BCAS3: variants seen among roughly 807,000 people sequenced by gnomAD.
The protein encoded by BCAS3 is BCAS4/BCAS3 fusion.
In BCAS3, 53 loss-of-function variants were observed where a neutral mutation model predicts 116.1. The ratio of observed to expected loss-of-function variants is 0.46; its 90% CI spans 0.37 to 0.57. BCAS3 has a LOEUF of 0.57. Ranked by LOEUF, BCAS3 falls within the 20% of genes least tolerant of loss-of-function variation. BCAS3 has a pLI of 0.00. For synonymous variants in BCAS3, 391 were observed against 408.2 expected (o/e 0.96, Z 0.51); for missense variants, 917 against 1,165.4 (o/e 0.79, Z 3.10).
rs2070332729 is a variant in BCAS3 at position 61,063,893 on chromosome 17, C to A, written c.2030-11027C>A. ...CATCTTCAATACCATCTTGTCCCTTCTTAAAACGAACTATCCATTTGTAAA... is the reference window on the plus strand; with the variant it reads ...CATCTTCAATACCATCTTGTCCCTTATTAAAACGAACTATCCATTTGTAAA... On this transcript the variant is annotated intron_variant, in intron 19 of 23. Coordinates refer to ENST00000407086, the MANE Select transcript of BCAS3 (RefSeq NM_017679.5). The surrounding 1 kb of genome is among the most constrained non-coding windows in gnomAD (Gnocchi z 5.3). Among the ~76,000 whole-genome samples the A allele has an allele frequency of 6.6e-6, 1 of 152,194 alleles. No homozygotes were observed. The highest frequency in any genetic ancestry group is 2.1e-4 in the South Asian group (1 of 4,826).
intron 9 of BCAS3, among the ~76,000 whole-genome samples, chr17:60,881,578 T>C (rs2056156790): frequency 6.9e-6 from 1 of 145,134 alleles, no homozygotes; most frequent in Non-Finnish European, 1.5e-5. Flanking sequence ...CTCGCAGTGC[T>C]ATCCCTCCCC....
chr17:60,910,813 G>C (rs967729582), intron 12 of BCAS3, 111 bp downstream of exon 12: 29 of 1,000,924 alleles, frequency 2.9e-5, no homozygotes, highest in Non-Finnish European at 3.8e-5. Flanking sequence ...GGAATTTTAG[G>C]AATTCAGATT....
rs1004953568 is a variant in BCAS3 at position 60,935,964 on chromosome 17, G to A, written c.1088-11255G>A. ...GTTGGTGTGCTGCACCCAGTAACTC[G>A]TCATTTAACATTAAGTATATCTCCA... On this transcript the variant is annotated intron_variant, in intron 13 of 23. Coordinates refer to ENST00000407086, the MANE Select transcript of BCAS3 (RefSeq NM_017679.5). Among the ~76,000 whole-genome samples the A allele has an allele frequency of 7.3e-5, 11 of 151,516 alleles. No individual in the cohort carries two copies. In the East Asian group the frequency reaches 2.1e-3, roughly 29 times the overall value.
intron 22 of BCAS3, among the ~76,000 whole-genome samples, chr17:61,195,294 C>A (rs899140562): frequency 6.6e-6 from 1 of 152,204 alleles, no homozygotes; most frequent in African/African-American, 2.4e-5. Context: ...GATAAATCAT[C>A]CTTAATGGGA....
Position 61,215,014 on chromosome 17 carries a change from G to A in BCAS3, c.2425+130450G>A, listed in dbSNP as rs2081703449. Among the ~76,000 whole-genome samples the A allele has an allele frequency of 6.6e-6, 1 of 152,088 alleles. No individual in the cohort carries two copies. Among genetic ancestry groups the A allele is most frequent in the Non-Finnish European group, 1.5e-5 (1 of 68,022 alleles). ...ACACCCACTAGATAGAACTAATCAG[G>A]ATCTCTTTTGATCACTGGAGCAGAT... On this transcript the variant is annotated intron_variant, in intron 22 of 23. Coordinates refer to ENST00000407086, the MANE Select transcript of BCAS3 (RefSeq NM_017679.5). The surrounding 1 kb of genome is among the most constrained non-coding windows in gnomAD (Gnocchi z 4.8).
chr17:61,193,616 G>C (rs2080280875), intron 22 of BCAS3, among the ~76,000 whole-genome samples: 1 of 151,948 alleles, frequency 6.6e-6, no homozygotes, highest in Non-Finnish European at 1.5e-5. Context: ...AATTAGCTGG[G>C]TGTCGTGGCG....
intron 12 of BCAS3, among the ~76,000 whole-genome samples, chr17:60,913,332 A>T (rs1185105965): frequency 1.3e-5 from 2 of 152,128 alleles, no homozygotes; most frequent in Admixed American, 6.5e-5. Context: ...TAACTTGATT[A>T]AAAAATTCTG....
chr17:60,679,007 T>A (rs1330159072), intron 1 of BCAS3, among the ~76,000 whole-genome samples: 11 of 152,186 alleles, frequency 7.2e-5, no homozygotes, highest in Non-Finnish European at 1.6e-4. Context: ...ATGGATTGCT[T>A]GAGCTCAGGA....
chr17:61,357,415 G>A (rs1465585786), intron 22 of BCAS3, among the ~76,000 whole-genome samples: 1 of 148,836 alleles, frequency 6.7e-6, no homozygotes, highest in African/African-American at 2.4e-5. Flanking sequence ...GGGCGACAGA[G>A]TGAGATCCTC....
intron 7 of BCAS3, among the ~76,000 whole-genome samples, chr17:60,829,653 T>C (rs539694430): frequency 6.6e-6 from 1 of 152,318 alleles, no homozygotes; most frequent in African/African-American, 2.4e-5. Context: ...CTGTTTGGTA[T>C]ATGTAACTAG....
chr17:60,768,299 G>A lies in BCAS3; in HGVS notation c.403+21020G>A, dbSNP rs192482223. Among the ~76,000 whole-genome samples, 4 of 152,316 alleles carry A rather than the reference G, an allele frequency of 2.6e-5. No homozygotes were observed. The East Asian group carries it at 7.7e-4, about 29-fold the overall frequency. On this transcript the variant is annotated intron_variant, in intron 6 of 23. Coordinates refer to ENST00000407086, the MANE Select transcript of BCAS3 (RefSeq NM_017679.5). ...TGTCTGGGAGGGTGTTGCCAAAGGA[G>A]ATTAACATTTGAGTCAGTGGGCTTG...
intron 22 of BCAS3, among the ~76,000 whole-genome samples, chr17:61,290,932 C>A (rs192153557): frequency 0.036 from 5,421 of 152,202 alleles, 127 homozygotes; most frequent in Non-Finnish European, 0.055. Flanking sequence ...AGGTGCCTGC[C>A]ACCACGCCCG....
intron 6 of BCAS3, among the ~76,000 whole-genome samples, chr17:60,781,087 G>A (rs2045787288): frequency 6.6e-6 from 1 of 151,848 alleles, no homozygotes; most frequent in Admixed American, 6.6e-5. Flanking sequence ...TTGTGCCCCA[G>A]CCTCTGGAGT....
rs888264974 is a variant in BCAS3, at chr17:60,990,993, C to T, written c.1486+758C>T. 6.6e-6 allele frequency among the ~76,000 whole-genome samples: 1 copy of T among 152,200 alleles called. No homozygotes were observed. Among genetic ancestry groups the T allele is most frequent in the East Asian group, 1.9e-4 (1 of 5,180 alleles). On this transcript the variant is annotated intron_variant, in intron 15 of 23. Transcript: ENST00000407086. The surrounding 1 kb of genome is among the most constrained non-coding windows in gnomAD (Gnocchi z 5.1). ...TTGGCGGGATTTCTGCTGTGTATCT[C>T]AGTAATTTATCTTAGAGCAAGTAGC...
In BCAS3 at chr17:61,368,415, C is replaced by T; in HGVS notation, c.2514C>T (p.His838=). 1 of 1,613,098 alleles carries T rather than the reference C, an allele frequency of 6.2e-7. No individual in the cohort carries two copies. The highest frequency in any genetic ancestry group is 8.5e-7 in the Non-Finnish European group (1 of 1,179,120). The change falls in exon 23 of 24, where the codon CAC becomes CAT. Residue 838 remains histidine (H), a synonymous_variant. Coordinates refer to ENST00000407086, the MANE Select transcript of BCAS3 (RefSeq NM_017679.5). The surrounding 1 kb of genome is among the most constrained non-coding windows in gnomAD (Gnocchi z 6.0). ...TGCGGCACATGTCCTCCATGGAGCA[C>T]ACGGAGGAGGGCCTCCGGGAGCGAC... ...FGLRHMSSME[H]TEEGLRERLA...
intron 6 of BCAS3, among the ~76,000 whole-genome samples, chr17:60,787,331 G>A (rs916084985): frequency 1.3e-4 from 20 of 152,064 alleles, no homozygotes; most frequent in Non-Finnish European, 4.4e-5. Flanking sequence ...CTACTGCTCT[G>A]TTTTCTTTTG....
Position 61,028,146 on chromosome 17 carries a change from A to G in BCAS3, c.1638-6520A>G, listed in dbSNP as rs2066390218. ...TCCTCTTGGACAGAAAGAAGCTTAA[A>G]TAGTTCTTTAAGGTTAATTATTATT... is the stretch of plus-strand genomic sequence containing the variant. On this transcript the variant is annotated intron_variant, in intron 16 of 23. Transcript: ENST00000407086. The surrounding 1 kb of genome is among the most constrained non-coding windows in gnomAD (Gnocchi z 4.3). 6.6e-6 allele frequency among the ~76,000 whole-genome samples: 1 copy of G among 151,906 alleles called. No individual in the cohort carries two copies. The highest frequency in any genetic ancestry group is 1.5e-5 in the Non-Finnish European group (1 of 67,808).
intron 5 of BCAS3, among the ~76,000 whole-genome samples, 197 bp from the exon 6 acceptor site, chr17:60,747,001 C>A (rs1422822263): frequency 6.6e-6 from 1 of 152,004 alleles, no homozygotes; most frequent in Non-Finnish European, 1.5e-5. Flanking sequence ...TGTGCTCTTA[C>A]AGTTTTCTAA....
At chr17:61,040,751 T>C (rs2067435853) in intron 18 of BCAS3, 41 bp from the exon 19 acceptor site, 4 of 1,497,890 alleles carry the variant, frequency 2.7e-6, no homozygotes, top group African/African-American at 2.8e-5. Context: ...ACATCCCATC[T>C]ATTAAGCTTA....
Sources: gnomAD v4.1 joint callset for allele counts (sites outside exome capture counted in the v4.1 genomes callset) on GRCh38, gnomAD v4.1.1 for gene constraint, Gnocchi (gnomAD v3.1) non-coding constraint, MANE v1.5 for transcripts, NCBI Gene and HGNC (gene_info 2026-07-23, HGNC 2026-07-21) for gene names.